Variants in NKAIN3 observed in about 807,000 individuals in gnomAD.
NKAIN3 encodes sodium/potassium-transporting ATPase subunit beta-1-interacting protein 3.
NKAIN3 carries 25 observed loss-of-function variants against 30.2 expected under a neutral mutation model. That is an observed-to-expected ratio of 0.83 (90% CI 0.60 to 1.16). The LOEUF (loss-of-function observed/expected upper bound fraction) is 1.16. NKAIN3 is among the 50% of genes most tolerant of loss of function. The probability of loss-of-function intolerance (pLI) is 0.00; values close to 1 mark genes in which losing one functional copy is unlikely to be tolerated. For synonymous variants in NKAIN3, 91 were observed against 89.6 expected, an observed-to-expected ratio of 1.02 and a Z score of -0.09; for missense variants, 225 against 254.1, an observed-to-expected ratio of 0.89 and a Z score of 0.78.
In NKAIN3 at chr8:62,409,737, T is replaced by C. The variant is rs1804180952; in HGVS notation, c.54+160610T>C. Among the ~76,000 whole-genome samples the C allele has an allele frequency of 2.0e-5, 3 of 152,200 alleles. No individual in the cohort carries two copies. In the South Asian group the frequency reaches 6.2e-4, roughly 32 times the overall value. ...AAGGCTAAGAAGAAAAATATCCAACTTCAGAGTTTTTTAAAATACTTACTT... is the reference window on the plus strand; with the variant it reads ...AAGGCTAAGAAGAAAAATATCCAACCTCAGAGTTTTTTAAAATACTTACTT... On this transcript the variant is annotated intron_variant, in intron 1 of 6. Coordinates refer to ENST00000623646, the MANE Select transcript of NKAIN3 (RefSeq NM_001304533.3).
chr8:62,437,045 G>A (rs1196970669), intron 1 of NKAIN3, among the ~76,000 whole-genome samples: 1 of 152,142 alleles, frequency 6.6e-6, no homozygotes, highest in Non-Finnish European at 1.5e-5. Flanking sequence ...TTAATTACCT[G>A]AGGTTAAAAT....
At chr8:62,354,153 G>A (rs947846538) in intron 1 of NKAIN3, among the ~76,000 whole-genome samples, 5 of 152,140 alleles carry the variant, frequency 3.3e-5, no homozygotes, top group Admixed American at 6.5e-5. Context: ...GAAAAACAAC[G>A]TTGTGATTAA....
chr8:62,356,594 C>T (rs1485400844), intron 1 of NKAIN3, among the ~76,000 whole-genome samples: 1 of 152,178 alleles, frequency 6.6e-6, no homozygotes, highest in Non-Finnish European at 1.5e-5. Context: ...TTATGGTCCT[C>T]TTATCCTAAC....
At chr8:62,911,730 G>A (rs560855108) in intron 4 of NKAIN3, among the ~76,000 whole-genome samples, 1 of 152,140 alleles carries the variant, frequency 6.6e-6, no homozygotes, top group East Asian at 1.9e-4. Flanking sequence ...TATTTTTCAA[G>A]CTAAAGGATC....
At chr8:62,891,228 GA>G (rs1390222908) in intron 4 of NKAIN3, among the ~76,000 whole-genome samples, 4 of 152,196 alleles carry the variant, frequency 2.6e-5, no homozygotes. Context: ...AAAGCAGACA[GA>G]AAAAGGTGGG....
intron 3 of NKAIN3, among the ~76,000 whole-genome samples, chr8:62,607,908 T>A (rs182662398): frequency 1.3e-3 from 200 of 152,284 alleles, no homozygotes; most frequent in Admixed American, 4.2e-3. Flanking sequence ...ATTCTCAATA[T>A]TTACATTAAT....
At chr8:62,283,184 G>A (rs1475934394) in intron 1 of NKAIN3, among the ~76,000 whole-genome samples, 4 of 152,188 alleles carry the variant, frequency 2.6e-5, no homozygotes, top group Admixed American at 2.0e-4. Flanking sequence ...TCAGAAACGA[G>A]TCCAGTTGTA....
intron 3 of NKAIN3, among the ~76,000 whole-genome samples, chr8:62,713,862 G>T (rs1450308742): frequency 6.6e-6 from 1 of 152,096 alleles, no homozygotes; most frequent in Admixed American, 6.6e-5. Context: ...AAAGCTAATT[G>T]TAATGTATTT....
intron 4 of NKAIN3, among the ~76,000 whole-genome samples, chr8:62,849,643 C>T (rs534442283): frequency 1.7e-5 from 2 of 117,842 alleles, no homozygotes; most frequent in South Asian, 6.0e-4. Flanking sequence ...TGTGATATTC[C>T]CCTTCCTGTG....
chr8:62,276,254 T>C (rs1812954635), intron 1 of NKAIN3, among the ~76,000 whole-genome samples: 1 of 152,032 alleles, frequency 6.6e-6, no homozygotes, highest in Admixed American at 6.6e-5. Context: ...TTAGTAGAGA[T>C]GGGATTTCAC....
intron 4 of NKAIN3, among the ~76,000 whole-genome samples, chr8:62,798,568 TC>T (rs11335144): frequency 0.21 from 30,897 of 145,616 alleles, 3,740 homozygotes; most frequent in African/African-American, 0.34. Context: ...TGAGACTCCG[TC>T]CCCCCCAAAA....
chr8:62,584,423 T>A (rs1417998552), intron 2 of NKAIN3, among the ~76,000 whole-genome samples: 1 of 152,200 alleles, frequency 6.6e-6, no homozygotes, highest in African/African-American at 2.4e-5. Context: ...CAGCTGAGTT[T>A]AAGTAATTGA....
At chr8:62,992,496 G>A (rs1585651214) in intron 5 of NKAIN3, among the ~76,000 whole-genome samples, 2 of 151,984 alleles carry the variant, frequency 1.3e-5, no homozygotes, top group South Asian at 2.1e-4. Context: ...AGAGGCTGAC[G>A]CCTGTCCCAT....
chr8:62,615,211 AGGT>A (rs1462247747), intron 3 of NKAIN3, among the ~76,000 whole-genome samples: 1 of 152,222 alleles, frequency 6.6e-6, no homozygotes, highest in African/African-American at 2.4e-5. Context: ...TTCAGTTAGC[AGGT>A]GGTGAATGCT....
chr8:62,966,631 A>G lies in NKAIN3; in HGVS notation c.*1224A>G, dbSNP rs1361183835. ...GACAACCACTGTGCTAATTTTCATCATCACTGATAATTTGGTCTGTTCTCA... is the reference window on the plus strand; with the variant it reads ...GACAACCACTGTGCTAATTTTCATCGTCACTGATAATTTGGTCTGTTCTCA... On this transcript the variant is annotated 3_prime_UTR_variant, in exon 7 of 7. Transcript: ENST00000623646. Among the ~76,000 whole-genome samples, 1 of 152,190 alleles carries G rather than the reference A, an allele frequency of 6.6e-6. No homozygotes were observed.
At chr8:62,520,350 T>A (rs1447674574) in intron 1 of NKAIN3, among the ~76,000 whole-genome samples, 30 of 152,112 alleles carry the variant, frequency 2.0e-4, no homozygotes, top group Admixed American at 2.0e-3. Flanking sequence ...TTTAGTTACA[T>A]AACAAATAGT....
intron 1 of NKAIN3, among the ~76,000 whole-genome samples, chr8:62,400,214 G>A (rs1817893735): frequency 1.5e-5 from 2 of 134,194 alleles, no homozygotes; most frequent in African/African-American, 5.7e-5. Context: ...CACCCAGACT[G>A]GAGTGCAGTG....
intron 4 of NKAIN3, among the ~76,000 whole-genome samples, chr8:62,749,279 A>G (rs1816188874): frequency 6.6e-6 from 1 of 152,218 alleles, no homozygotes; most frequent in Non-Finnish European, 1.5e-5. Flanking sequence ...TATTTATTTG[A>G]TAAGGAGCTG....
At chr8:62,312,350 A>T (rs1814470277) in intron 1 of NKAIN3, among the ~76,000 whole-genome samples, 1 of 150,670 alleles carries the variant, frequency 6.6e-6, no homozygotes, top group Non-Finnish European at 1.5e-5. Context: ...AGAAAATATT[A>T]GGCTCTTAAG....
Sources: gnomAD v4.1 joint callset for allele counts (sites outside exome capture counted in the v4.1 genomes callset) on GRCh38, gnomAD v4.1.1 for gene constraint, MANE v1.5 for transcripts, NCBI Gene and HGNC (gene_info 2026-07-23, HGNC 2026-07-21) for gene names.